RAP1A: variants seen among roughly 807,000 people sequenced by gnomAD.
RAP1A encodes ras-related protein Rap-1A.
In RAP1A, 6 loss-of-function variants were observed where a neutral mutation model predicts 26.4. The observed-to-expected ratio is 0.23, with a 90% CI of 0.12 to 0.45. The LOEUF (loss-of-function observed/expected upper bound fraction) is 0.45. Ranked by LOEUF, RAP1A falls within the 20% of genes least tolerant of loss-of-function variation. The pLI, the probability that RAP1A is intolerant of heterozygous loss-of-function variation, is 0.99. For missense variants in RAP1A, 121 were observed against 217.2 expected, an observed-to-expected ratio of 0.56 and a Z score of 2.78; for synonymous variants, 73 against 79.4, an observed-to-expected ratio of 0.92 and a Z score of 0.43.
chr1:111,641,274 T>G (rs1659882766), intron 1 of RAP1A, among the ~76,000 whole-genome samples: 1 of 152,212 alleles, frequency 6.6e-6, no homozygotes, highest in Non-Finnish European at 1.5e-5. Flanking sequence ...GAGATAAGTT[T>G]TGTCAAGTTT....
At chr1:111,601,290 G>A (rs1250066410) in intron 1 of RAP1A, among the ~76,000 whole-genome samples, 1 of 152,088 alleles carries the variant, frequency 6.6e-6, no homozygotes, top group Non-Finnish European at 1.5e-5. Flanking sequence ...TGTCCTGGGT[G>A]TCCAGGACAA....
chr1:111,670,415 A>G (rs1398472527), intron 1 of RAP1A, among the ~76,000 whole-genome samples: 1 of 152,152 alleles, frequency 6.6e-6, no homozygotes, highest in African/African-American at 2.4e-5. Context: ...CGGAGGTTAC[A>G]GTGAGCCAAG....
At chr1:111,693,464 G>A (rs528254282) in intron 2 of RAP1A, among the ~76,000 whole-genome samples, 3 of 152,018 alleles carry the variant, frequency 2.0e-5, no homozygotes, top group South Asian at 2.1e-4. Context: ...TACAGGAGAG[G>A]GAAAGAGGAG....
At chr1:111,675,809 AG>A (rs2101194147) in intron 1 of RAP1A, among the ~76,000 whole-genome samples, 1 of 152,366 alleles carries the variant, frequency 6.6e-6, no homozygotes, top group South Asian at 2.1e-4. Flanking sequence ...GGCAAAAGAA[AG>A]AGATTTAATT....
At chr1:111,676,384 G>C (rs1202466594) in intron 1 of RAP1A, among the ~76,000 whole-genome samples, 2 of 151,834 alleles carry the variant, frequency 1.3e-5, no homozygotes, top group Non-Finnish European at 2.9e-5. Flanking sequence ...AGATTTGGGT[G>C]GGGACACAGA....
intron 1 of RAP1A, among the ~76,000 whole-genome samples, chr1:111,657,440 G>T (rs1426833097): frequency 6.6e-6 from 1 of 152,110 alleles, no homozygotes; most frequent in Non-Finnish European, 1.5e-5. Context: ...AAGCACTTCT[G>T]TTCCCAAAGG....
chr1:111,689,654 T>G (rs1341166800), intron 1 of RAP1A, among the ~76,000 whole-genome samples: 3 of 152,188 alleles, frequency 2.0e-5, no homozygotes, highest in Non-Finnish European at 4.4e-5. Context: ...TTCAGCTGAT[T>G]TATTTCACTC....
chr1:111,676,315 C>A (rs1661122820), intron 1 of RAP1A, among the ~76,000 whole-genome samples: 1 of 152,138 alleles, frequency 6.6e-6, no homozygotes, highest in Non-Finnish European at 1.5e-5. Flanking sequence ...GAGATCATGC[C>A]ACTCAAGCCT....
chr1:111,553,903 A>G (rs1657376128), intron 1 of RAP1A, among the ~76,000 whole-genome samples: 1 of 152,240 alleles, frequency 6.6e-6, no homozygotes, highest in African/African-American at 2.4e-5. Context: ...AAGAACCTAT[A>G]CAAAGAGCTT....
At chr1:111,607,942 A>T (rs1245415249) in intron 1 of RAP1A, among the ~76,000 whole-genome samples, 14 of 109,518 alleles carry the variant, frequency 1.3e-4, no homozygotes, top group Middle Eastern at 9.1e-3. Context: ...TAGAGGCGGC[A>T]GGGCAGAGGC....
intron 1 of RAP1A, among the ~76,000 whole-genome samples, chr1:111,613,534 T>C (rs1023715709): frequency 1.2e-4 from 18 of 152,188 alleles, no homozygotes; most frequent in African/African-American, 4.3e-4. Flanking sequence ...GTGTTCTCTT[T>C]GTTAAATAGT....
chr1:111,583,367 A>G (rs1658298060), intron 1 of RAP1A, among the ~76,000 whole-genome samples: 1 of 151,818 alleles, frequency 6.6e-6, no homozygotes, highest in South Asian at 2.1e-4. Flanking sequence ...TGGCTGGGAA[A>G]GCTGAGGTAG....
chr1:111,558,265 T>C (rs1471584886), intron 1 of RAP1A, among the ~76,000 whole-genome samples: 1 of 152,076 alleles, frequency 6.6e-6, no homozygotes, highest in African/African-American at 2.4e-5. Context: ...GCAACCTCCA[T>C]GTCCCAGGCT....
At chr1:111,698,975 C>T (rs1661928033) in intron 4 of RAP1A, among the ~76,000 whole-genome samples, 5 of 150,920 alleles carry the variant, frequency 3.3e-5, no homozygotes, top group Admixed American at 1.3e-4. Flanking sequence ...CCACAGTGTA[C>T]GGGCATTCTT....
At chr1:111,598,574 AAC>A (rs1658603128) in intron 1 of RAP1A, among the ~76,000 whole-genome samples, 2 of 152,154 alleles carry the variant, frequency 1.3e-5, no homozygotes, top group South Asian at 2.1e-4. Context: ...ACCTTCAGTA[AAC>A]ACAGTGTGAA....
At chr1:111,676,415 A>C (rs776450914) in intron 1 of RAP1A, among the ~76,000 whole-genome samples, 6 of 152,026 alleles carry the variant, frequency 3.9e-5, no homozygotes, top group Non-Finnish European at 7.4e-5. Flanking sequence ...ATCAGTATGT[A>C]ACTGGTATTC....
chr1:111,626,068 C>T (rs1659388457), intron 1 of RAP1A, among the ~76,000 whole-genome samples: 1 of 152,156 alleles, frequency 6.6e-6, no homozygotes, highest in African/African-American at 2.4e-5. Flanking sequence ...TATAGTCTAG[C>T]AGTTTATTTT....
At chr1:111,654,137 G>T (rs939734052) in intron 1 of RAP1A, among the ~76,000 whole-genome samples, 2 of 152,170 alleles carry the variant, frequency 1.3e-5, no homozygotes, top group Admixed American at 6.5e-5. Context: ...CAGCCAGAGA[G>T]CAAGAGCCTA....
intron 1 of RAP1A, among the ~76,000 whole-genome samples, chr1:111,688,291 G>GTA (rs1460778212): frequency 4.6e-5 from 6 of 129,082 alleles, no homozygotes; most frequent in Admixed American, 3.9e-4. Context: ...GTGTGTGTGT[G>GTA]TGTGTGTGTA....
Sources: allele counts gnomAD v4.1 joint callset (sites outside exome capture counted in the v4.1 genomes callset), GRCh38; gene constraint gnomAD v4.1.1; transcripts MANE v1.5; gene names NCBI Gene and HGNC (gene_info 2026-07-23, HGNC 2026-07-21).